Variants in LYPD1 observed in about 807,000 individuals in gnomAD.
The protein encoded by LYPD1 is ly6/PLAUR domain-containing protein 1.
LYPD1 carries 14 observed loss-of-function variants against 14.2 expected under a neutral mutation model. The observed-to-expected ratio is 0.99, with a 90% confidence interval of 0.65 to 1.54. The LOEUF (loss-of-function observed/expected upper bound fraction) is 1.54, where lower values mean the gene tolerates loss of function less well. Ranked by LOEUF, LYPD1 falls within the 40% of genes most tolerant of loss-of-function variation. The pLI is 0.00. For missense variants in LYPD1, 165 were observed against 175.7 expected (o/e 0.94, Z 0.34); for synonymous variants, 85 against 70.6 (o/e 1.20, Z -1.02).
At chr2:132,647,222 G>T (rs1336623032) in intron 2 of LYPD1, among the ~76,000 whole-genome samples, 1 of 152,218 alleles carries the variant, frequency 6.6e-6, no homozygotes, top group Non-Finnish European at 1.5e-5. Flanking sequence ...TTTTACAGAT[G>T]TGAAGCCTCA....
Position 132,645,915 on chromosome 2 carries a change from A to G in LYPD1, c.*130T>C. 1 of 717,844 alleles carries G rather than the reference A, an allele frequency of 1.4e-6. No homozygotes were observed. Among genetic ancestry groups the G allele is most frequent in the Admixed American group, 3.3e-5 (1 of 30,000 alleles). 44.5% of individuals were successfully genotyped at this position (717,844 alleles called of 1,614,324 possible). A position where few individuals can be genotyped will look rare whatever the true frequency, so the allele number is the denominator to read the frequency against. The stretch of plus-strand genomic sequence containing the variant: ...CTCTTTCATTATTTGCACAGGAACA[A>G]AAGAGAACACGGACTCCCGCTCCCT... On this transcript the variant is annotated 3_prime_UTR_variant, in exon 3 of 3. Coordinates refer to ENST00000397463, the MANE Select transcript of LYPD1 (RefSeq NM_144586.7).
chr2:132,658,198 G>A (rs1410392252), intron 2 of LYPD1, among the ~76,000 whole-genome samples: 2 of 152,194 alleles, frequency 1.3e-5, no homozygotes. Flanking sequence ...GAAGAAAAAT[G>A]GAGAAATTTT....
intron 2 of LYPD1, among the ~76,000 whole-genome samples, chr2:132,657,334 G>C (rs1459642395): frequency 6.6e-6 from 1 of 152,156 alleles, no homozygotes; most frequent in East Asian, 1.9e-4. Flanking sequence ...ATGGGGGATT[G>C]AGGGAACAGA....
chr2:132,648,558 G>A (rs1478284770), intron 2 of LYPD1, among the ~76,000 whole-genome samples: 1 of 152,234 alleles, frequency 6.6e-6, no homozygotes, highest in Non-Finnish European at 1.5e-5. Context: ...TTTTTAAGGC[G>A]AACTTTGCAG....
chr2:132,644,954 A>G lies in LYPD1; in HGVS notation c.*1091T>C. ...CTTGCTTGTGGCAAAAGAAGCTGTC[A>G]AGTCCAACACTGAAAAATTGGTACC... is the stretch of plus-strand genomic sequence containing the variant. On this transcript the variant is annotated 3_prime_UTR_variant, in exon 3 of 3. Transcript: ENST00000397463. 1.2e-6 allele frequency: 1 copy of G among 863,754 alleles called. No homozygotes were observed. 53.5% of individuals were successfully genotyped at this position (863,754 alleles called of 1,614,324 possible).
intron 2 of LYPD1, among the ~76,000 whole-genome samples, chr2:132,650,186 C>T (rs372024945): frequency 1.1e-4 from 16 of 152,118 alleles, no homozygotes; most frequent in South Asian, 2.1e-4. Flanking sequence ...TCACAGAAAA[C>T]GCAACAGAGC....
rs149959087 is a variant in LYPD1 at position 132,665,636 on chromosome 2, G to C, written c.190+2764C>G. On this transcript the variant is annotated intron_variant, in intron 2 of 2. Coordinates refer to ENST00000397463, the MANE Select transcript of LYPD1 (RefSeq NM_144586.7). ...AGGCTTCAAGCGCCTCTTAGTAACA[G>C]TTGGCTGGTGAACTTGGACCAAGCA... 4.8e-3 allele frequency among the ~76,000 whole-genome samples: 738 copies of C among 152,336 alleles called. 4 individuals are homozygous for C. The highest frequency in any genetic ancestry group is 0.017 in the African/African-American group (704 of 41,564).
intron 2 of LYPD1, among the ~76,000 whole-genome samples, chr2:132,652,482 C>T (rs562481934): frequency 1.4e-4 from 21 of 152,260 alleles, no homozygotes; most frequent in African/African-American, 5.1e-4. Flanking sequence ...AAAGGCAGAA[C>T]TGTGAGAGGC....
Position 132,644,799 on chromosome 2 carries a change from C to A in LYPD1, c.*1246G>T. On this transcript the variant is annotated 3_prime_UTR_variant, in exon 3 of 3. Transcript: ENST00000397463. ...ATGAACTGCTTTCTGGATACGCAAA[C>A]AAACACCAATGAAAACATTTTTTTA... The A allele has an allele frequency of 3.0e-6, 1 of 337,530 alleles. No individual in the cohort carries two copies. Among genetic ancestry groups the A allele is most frequent in the Non-Finnish European group, 5.3e-6 (1 of 188,814 alleles). The allele number at this position is 337,530 out of a possible 1,614,324, so 20.9% of individuals were successfully genotyped here.
chr2:132,645,940 TACCCAGAATAAAAGGAC>T lies in LYPD1; in HGVS notation c.*88_*104del. 6.0e-6 allele frequency: 5 copies of T among 834,436 alleles called. No homozygotes were observed. The highest frequency in any genetic ancestry group is 5.5e-5 in the East Asian group (2 of 36,646). The allele number at this position is 834,436 out of a possible 1,614,324, so 51.7% of individuals were successfully genotyped here. ...AAAGAGAACACGGACTCCCGCTCCC[TACCCAGAATAAAAGGAC>T]ACCCAGAAGAAACTCACTCAGGGAG... On this transcript the variant is annotated 3_prime_UTR_variant, in exon 3 of 3. Coordinates refer to ENST00000397463, the MANE Select transcript of LYPD1 (RefSeq NM_144586.7).
chr2:132,665,242 G>A (rs1333469676), intron 2 of LYPD1, among the ~76,000 whole-genome samples: 1 of 152,224 alleles, frequency 6.6e-6, no homozygotes, highest in African/African-American at 2.4e-5. Context: ...CCAGAAAACT[G>A]AAGGCCTATG....
Position 132,645,906 on chromosome 2 carries a change from A to G in LYPD1, c.*139T>C. 1.4e-6 allele frequency: 1 copy of G among 690,058 alleles called. No homozygotes were observed. The highest frequency in any genetic ancestry group is 2.4e-6 in the Non-Finnish European group (1 of 421,300). The allele number at this position is 690,058 out of a possible 1,614,324, so 42.7% of individuals were successfully genotyped here. On this transcript the variant is annotated 3_prime_UTR_variant, in exon 3 of 3. Transcript: ENST00000397463. ...TTTACCGAGCTCTTTCATTATTTGC[A>G]CAGGAACAAAAGAGAACACGGACTC...
At chr2:132,652,029 C>T (rs1682379562) in intron 2 of LYPD1, among the ~76,000 whole-genome samples, 1 of 152,172 alleles carries the variant, frequency 6.6e-6, no homozygotes, top group Non-Finnish European at 1.5e-5. Flanking sequence ...GCCTGGTTTC[C>T]CTGAAACCTC....
intron 2 of LYPD1, among the ~76,000 whole-genome samples, chr2:132,667,699 A>G (rs1683359968): frequency 6.6e-6 from 1 of 152,188 alleles, no homozygotes; most frequent in African/African-American, 2.4e-5. Context: ...ACTTCTGATA[A>G]GACAGCTGGG....
chr2:132,657,768 C>T lies in LYPD1; in HGVS notation c.190+10632G>A, dbSNP rs535120936. Among the ~76,000 whole-genome samples the T allele has an allele frequency of 2.6e-5, 4 of 152,318 alleles. No homozygotes were observed. The South Asian group carries it at 8.3e-4, about 32-fold the overall frequency. Reference sequence around the variant, plus strand: ...TTTTCTTCCAAAGGGTGACAGTGATCCAGGATGAAGGTCCTTTGACTATAC... The same window carrying T: ...TTTTCTTCCAAAGGGTGACAGTGATTCAGGATGAAGGTCCTTTGACTATAC... On this transcript the variant is annotated intron_variant, in intron 2 of 2. Transcript: ENST00000397463.
intron 2 of LYPD1, among the ~76,000 whole-genome samples, chr2:132,659,148 T>G (rs1175159103): frequency 1.3e-5 from 2 of 152,226 alleles, no homozygotes; most frequent in African/African-American, 4.8e-5. Context: ...AAAGGTATAT[T>G]CAACTTGTCT....
intron 1 of LYPD1, 32 bp from the exon 2 acceptor site, chr2:132,668,569 GGCCCCCACAGA>G (rs777799753): frequency 1.9e-6 from 3 of 1,605,210 alleles, no homozygotes; most frequent in Non-Finnish European, 2.5e-6. Context: ...GTTCAGATCC[GGCCCCCACAGA>G]GCCCACCCCG....
At chr2:132,668,663 C>G (rs745377166) in intron 1 of LYPD1, 126 bp from the exon 2 acceptor site, 572 of 1,358,374 alleles carry the variant, frequency 4.2e-4, no homozygotes, top group Non-Finnish European at 5.2e-4. Context: ...ACTCCTGGGT[C>G]TCCGGGTAGG....
In LYPD1 at chr2:132,644,852, TAC is replaced by T. The variant is rs1681965906; in HGVS notation, c.*1191_*1192del. Reference sequence around the variant, plus strand: ...ATTAACAGACATCAACTGGTATAAATACACTGTCTAAAGCATTTAATGGTCTT... The same window carrying T: ...ATTAACAGACATCAACTGGTATAAATACTGTCTAAAGCATTTAATGGTCTT... On this transcript the variant is annotated 3_prime_UTR_variant, in exon 3 of 3. Transcript: ENST00000397463. 3 of 510,734 alleles carry T rather than the reference TAC, an allele frequency of 5.9e-6. No individual in the cohort carries two copies. The highest frequency in any genetic ancestry group is 9.8e-4 in the Middle Eastern group (2 of 2,036). 31.6% of individuals were successfully genotyped at this position (510,734 alleles called of 1,614,324 possible). A position where few individuals can be genotyped will look rare whatever the true frequency, so the allele number is the denominator to read the frequency against.
Sources: allele counts gnomAD v4.1 joint callset (sites outside exome capture counted in the v4.1 genomes callset), GRCh38; gene constraint gnomAD v4.1.1; transcripts MANE v1.5; gene names NCBI Gene and HGNC (gene_info 2026-07-23, HGNC 2026-07-21).